Variants in GUCY1A2 observed in about 807,000 individuals in gnomAD.
GUCY1A2 encodes the protein guanylate cyclase soluble subunit alpha-2.
A neutral mutation model predicts 63.5 loss-of-function variants in GUCY1A2; 27 were observed. That is an observed-to-expected ratio of 0.43 (90% confidence interval 0.31 to 0.59). The LOEUF is 0.59. Among genes scored for constraint, GUCY1A2 ranks in the 20% least tolerant of loss-of-function variants. The probability of loss-of-function intolerance (pLI) is 0.11; values close to 1 mark genes in which losing one functional copy is unlikely to be tolerated. For missense variants in GUCY1A2, 768 were observed against 913.3 expected, an observed-to-expected ratio of 0.84 and a Z score of 2.05; for synonymous variants, 364 against 343.5, an observed-to-expected ratio of 1.06 and a Z score of -0.66.
chr11:106,820,104 GTTTA>G (rs1454992152), intron 4 of GUCY1A2, among the ~76,000 whole-genome samples: 4 of 152,028 alleles, frequency 2.6e-5, no homozygotes, highest in African/African-American at 9.7e-5. Context: ...TTGCTTATTT[GTTTA>G]ATCATTCGAT....
rs549122382 is a variant in GUCY1A2, at chr11:106,690,025, T to C, written c.1992-2269A>G. On this transcript the variant is annotated intron_variant, in intron 7 of 7. Coordinates refer to ENST00000526355, the MANE Select transcript of GUCY1A2 (RefSeq NM_000855.3). Reference sequence around the variant, plus strand: ...AAAAAAAAAGTAAAAAAATAACAGATGCTGGCAAGGTTTTGGAGAAAAAGG... The same window carrying C: ...AAAAAAAAAGTAAAAAAATAACAGACGCTGGCAAGGTTTTGGAGAAAAAGG... Among the ~76,000 whole-genome samples, 348 of 149,094 alleles carry C rather than the reference T, an allele frequency of 2.3e-3. 2 individuals carry two copies. Among genetic ancestry groups the C allele is most frequent in the African/African-American group, 8.2e-3 (333 of 40,714 alleles).
At chr11:106,892,171 T>G (rs576386092) in intron 4 of GUCY1A2, among the ~76,000 whole-genome samples, 1 of 152,204 alleles carries the variant, frequency 6.6e-6, no homozygotes, top group African/African-American at 2.4e-5. Context: ...AAATGGCATT[T>G]TAAAATTATT....
At chr11:106,957,081 G>A (rs964133026) in intron 3 of GUCY1A2, among the ~76,000 whole-genome samples, 11 of 152,206 alleles carry the variant, frequency 7.2e-5, no homozygotes, top group African/African-American at 2.2e-4. Flanking sequence ...CACAGAGGGT[G>A]TGTTGGGCTG....
chr11:106,853,827 T>C (rs1859389170), intron 4 of GUCY1A2, among the ~76,000 whole-genome samples: 1 of 152,158 alleles, frequency 6.6e-6, no homozygotes, highest in Non-Finnish European at 1.5e-5. Flanking sequence ...AAGTAGATCT[T>C]TATTGTTTGT....
chr11:106,784,996 G>A (rs72994949), intron 5 of GUCY1A2, among the ~76,000 whole-genome samples: 26,494 of 152,136 alleles, frequency 0.17, 2,634 homozygotes, highest in South Asian at 0.28. Flanking sequence ...GCACTTCAGA[G>A]AGAAGAATCT....
At chr11:106,883,628 C>T (rs10789550) in intron 4 of GUCY1A2, among the ~76,000 whole-genome samples, 104,165 of 151,962 alleles carry the variant, frequency 0.69, 36,256 homozygotes, top group Non-Finnish European at 0.76. Flanking sequence ...TAATTTAAAT[C>T]TAATAATAAA....
chr11:106,805,400 C>G (rs1259440005), intron 5 of GUCY1A2, among the ~76,000 whole-genome samples: 2 of 152,130 alleles, frequency 1.3e-5, no homozygotes, highest in African/African-American at 4.8e-5. Flanking sequence ...CACCCACCAC[C>G]ATGCCTGGCT....
At chr11:106,919,173 T>A (rs1472763117) in intron 4 of GUCY1A2, among the ~76,000 whole-genome samples, 1 of 152,186 alleles carries the variant, frequency 6.6e-6, no homozygotes, top group Non-Finnish European at 1.5e-5. Flanking sequence ...TGTTTGCTCA[T>A]GTTTTTTGTC....
intron 4 of GUCY1A2, among the ~76,000 whole-genome samples, chr11:106,865,455 G>C (rs1486268030): frequency 1.3e-5 from 2 of 151,874 alleles, no homozygotes; most frequent in Non-Finnish European, 2.9e-5. Context: ...ATACACCATG[G>C]AATACTATGC....
intron 3 of GUCY1A2, among the ~76,000 whole-genome samples, chr11:106,952,611 T>C (rs774024662): frequency 3.3e-5 from 5 of 152,094 alleles, no homozygotes; most frequent in Non-Finnish European, 5.9e-5. Flanking sequence ...TTTGCTGAAG[T>C]TGCTTATCAG....
chr11:106,959,693 G>A (rs1315237245), intron 3 of GUCY1A2, among the ~76,000 whole-genome samples: 1 of 152,160 alleles, frequency 6.6e-6, no homozygotes, highest in African/African-American at 2.4e-5. Context: ...CCCAGTCAGG[G>A]GCAATTCTGA....
At chr11:106,822,491 A>G (rs1470460639) in intron 4 of GUCY1A2, among the ~76,000 whole-genome samples, 1 of 152,156 alleles carries the variant, frequency 6.6e-6, no homozygotes, top group Non-Finnish European at 1.5e-5. Context: ...CCCAACAGGT[A>G]GTTTTTCGAC....
chr11:106,687,722 G>T lies in GUCY1A2; in HGVS notation c.2026C>A (p.Pro676Thr). 6.2e-7 allele frequency: 1 copy of T among 1,611,952 alleles called. No homozygotes were observed. Among genetic ancestry groups the T allele is most frequent in the Non-Finnish European group, 8.5e-7 (1 of 1,178,034 alleles). The part of the protein sequence containing the change: ...LKREESFTFI[P>T]RSREELPDNF... ...TCTGGAAGCTCTTCACGAGACCGCG[G>T]AATGAATGTGAAACTTTCTTCTCGT... The change falls in exon 8 of 8, where the codon CCG (proline) becomes ACG (threonine). Residue 676 changes from proline to threonine, a missense_variant. This residue lies in a region of GUCY1A2 where 150 missense variants were observed against 188.3 expected (regional missense o/e 0.80). Coordinates refer to ENST00000526355, the MANE Select transcript of GUCY1A2 (RefSeq NM_000855.3).
intron 4 of GUCY1A2, among the ~76,000 whole-genome samples, chr11:106,935,240 G>GT (rs1406880326): frequency 1.3e-5 from 2 of 152,166 alleles, no homozygotes; most frequent in Non-Finnish European, 2.9e-5. Context: ...CTATAAGGCA[G>GT]TAAGTGAATA....
At chr11:106,756,636 G>T (rs1381717756) in intron 6 of GUCY1A2, among the ~76,000 whole-genome samples, 2 of 152,144 alleles carry the variant, frequency 1.3e-5, no homozygotes, top group African/African-American at 4.8e-5. Context: ...GAAATTCTGG[G>T]TTGAAAATTC....
At chr11:106,842,314 T>A (rs1425845869) in intron 4 of GUCY1A2, among the ~76,000 whole-genome samples, 1 of 151,934 alleles carries the variant, frequency 6.6e-6, no homozygotes, top group African/African-American at 2.4e-5. Context: ...TGCCCACAAC[T>A]TTGTTAAGAA....
intron 4 of GUCY1A2, among the ~76,000 whole-genome samples, chr11:106,939,156 A>C (rs954625833): frequency 1.3e-5 from 2 of 152,226 alleles, no homozygotes; most frequent in Non-Finnish European, 2.9e-5. Context: ...TTCAGTGGAA[A>C]TATTCATGTG....
chr11:106,788,545 T>C (rs910930742), intron 5 of GUCY1A2, among the ~76,000 whole-genome samples: 14 of 152,336 alleles, frequency 9.2e-5, no homozygotes, highest in African/African-American at 3.4e-4. Flanking sequence ...CTTTAACCCA[T>C]TTTAATTTGA....
intron 4 of GUCY1A2, among the ~76,000 whole-genome samples, chr11:106,868,889 G>A (rs1019846148): frequency 6.6e-6 from 1 of 152,128 alleles, no homozygotes; most frequent in African/African-American, 2.4e-5. Context: ...AAACAGCATG[G>A]TACTGGTACC....
Sources: gnomAD v4.1 joint callset for allele counts (sites outside exome capture counted in the v4.1 genomes callset) on GRCh38, gnomAD v4.1.1 for gene constraint, gnomAD v4.1.1 regional missense constraint, MANE v1.5 for transcripts, NCBI Gene and HGNC (gene_info 2026-07-23, HGNC 2026-07-21) for gene names.